Variants in USP43 observed in about 807,000 individuals in gnomAD.
The protein encoded by USP43 is ubiquitin specific peptidase 43, also known as ubiquitin carboxyl-terminal hydrolase 43.
USP43 carries 33 observed loss-of-function variants against 90.7 expected under a neutral mutation model. That is an observed-to-expected ratio of 0.36 (90% CI 0.28 to 0.49). USP43 has a LOEUF of 0.49. USP43 is among the 20% of genes least tolerant of loss of function. The pLI, the probability that USP43 is intolerant of heterozygous loss-of-function variation, is 0.98. For synonymous variants in USP43, 598 were observed against 615.8 expected (o/e 0.97, Z 0.43); for missense variants, 1,274 against 1,476.4 (o/e 0.86, Z 2.25).
intron 1 of USP43, among the ~76,000 whole-genome samples, chr17:9,651,269 G>A (rs928364088): frequency 3.4e-4 from 52 of 151,936 alleles, no homozygotes; most frequent in African/African-American, 1.1e-3. Flanking sequence ...TTGGCTCACT[G>A]CAACCTCTGC....
At chr17:9,667,845 TTA>T (rs1913145897) in intron 3 of USP43, among the ~76,000 whole-genome samples, 1 of 152,112 alleles carries the variant, frequency 6.6e-6, no homozygotes, top group South Asian at 2.1e-4. Flanking sequence ...AATCATGCGT[TTA>T]TATGTGTGTG....
Position 9,686,898 on chromosome 17 carries a change from G to A in USP43, c.1342G>A (p.Ala448Thr), listed in dbSNP as rs773166412. The change falls in exon 8 of 15, where the codon GCC becomes ACC. Residue 448 changes from alanine (A) to threonine (T), a missense_variant. Ala to Thr is a moderately conservative substitution (Grantham distance 58, BLOSUM62 0). This residue lies in a region of USP43 where 253 missense variants were observed against 276.0 expected (regional missense o/e 0.92). Coordinates refer to ENST00000285199, the MANE Select transcript of USP43 (RefSeq NM_153210.5). The surrounding 1 kb of genome is among the most constrained non-coding windows in gnomAD (Gnocchi z 5.5). ...SKVRHLMKSEAPVQNLGSLFS... is the reference protein window; with the variant it reads ...SKVRHLMKSETPVQNLGSLFS... ...GGTCCGCCATCTTATGAAGAGTGAG[G>A]CCCCTGTACAGGTCAGTGGTGTGCA... The A allele has an allele frequency of 6.2e-7, 1 of 1,613,388 alleles. No homozygotes were observed. Among genetic ancestry groups the A allele is most frequent in the South Asian group, 1.1e-5 (1 of 91,068 alleles).
chr17:9,645,721 G>A lies in USP43; in HGVS notation c.89G>A (p.Arg30His). Reference sequence around the variant, plus strand: ...CGCTCCCTGCGCCGCCTGTTCAGCCGCTTCCTGCTGGCGCTGGGCAGCCGC... The same window carrying A: ...CGCTCCCTGCGCCGCCTGTTCAGCCACTTCCTGCTGGCGCTGGGCAGCCGC... ...RRRSLRRLFS[R>H]FLLALGSRSR... is the part of the protein sequence containing the mutation. Residue 30 changes from arginine (R) to histidine (H), a missense_variant, in exon 1 of 15, where the codon CGC (arginine) becomes CAC (histidine). Arg to His is a conservative substitution (Grantham distance 29). Transcript: ENST00000285199. The surrounding 1 kb of genome is among the most constrained non-coding windows in gnomAD (Gnocchi z 6.8). 2.2e-6 allele frequency: 3 copies of A among 1,358,682 alleles called. No individual in the cohort carries two copies. Among genetic ancestry groups the A allele is most frequent in the South Asian group, 1.8e-5 (1 of 55,350 alleles). 84.2% of individuals were successfully genotyped at this position (1,358,682 alleles called of 1,614,324 possible).
chr17:9,681,333 TAA>T (rs1270374157), intron 6 of USP43, among the ~76,000 whole-genome samples: 28 of 110,844 alleles, frequency 2.5e-4, no homozygotes, highest in African/African-American at 9.7e-4. Context: ...TATATATAAA[TAA>T]ATATATATAT....
At chr17:9,649,878 T>C (rs188136938) in intron 1 of USP43, among the ~76,000 whole-genome samples, 3 of 152,234 alleles carry the variant, frequency 2.0e-5, no homozygotes, top group Admixed American at 2.0e-4. Context: ...CAACAATCAT[T>C]AATAATTAAG....
At chr17:9,717,369 G>T (rs1026248144) in intron 14 of USP43, among the ~76,000 whole-genome samples, 3 of 151,666 alleles carry the variant, frequency 2.0e-5, no homozygotes, top group Admixed American at 6.6e-5. Flanking sequence ...CAGTGTGTGT[G>T]TGTGTGTGTG....
chr17:9,658,853 C>T (rs1273314353), intron 2 of USP43, among the ~76,000 whole-genome samples: 1 of 152,224 alleles, frequency 6.6e-6, no homozygotes, highest in African/African-American at 2.4e-5. Flanking sequence ...TCTCTGGCTC[C>T]ATTTTCAGAC....
intron 5 of USP43, 137 bp downstream of exon 5, chr17:9,677,018 G>T: frequency 8.9e-7 from 1 of 1,124,546 alleles, no homozygotes. Flanking sequence ...GATTAGTAAT[G>T]CCTGCTGTCT....
At chr17:9,650,871 C>T (rs1397656769) in intron 1 of USP43, among the ~76,000 whole-genome samples, 3 of 151,732 alleles carry the variant, frequency 2.0e-5, no homozygotes, top group Admixed American at 6.6e-5. Flanking sequence ...TTTGGGGAAC[C>T]GGCAGTATTT....
At chr17:9,675,042 G>A in intron 4 of USP43, 59 bp downstream of exon 4, 1 of 1,482,496 alleles carries the variant, frequency 6.7e-7, no homozygotes, top group Non-Finnish European at 9.4e-7. Context: ...TCATTACGGG[G>A]AAGCTTCTGG....
At chr17:9,712,191 C>T in intron 14 of USP43, 59 bp downstream of exon 14, 1 of 1,489,906 alleles carries the variant, frequency 6.7e-7, no homozygotes, top group Non-Finnish European at 9.0e-7. Context: ...GTTGTTATTG[C>T]TCAGTATGAA....
Position 9,701,573 on chromosome 17 carries a change from A to T in USP43, c.1884A>T (p.Ala628=). The T allele has an allele frequency of 6.4e-7, 1 of 1,569,944 alleles. No individual in the cohort carries two copies. Among genetic ancestry groups the T allele is most frequent in the South Asian group, 1.2e-5 (1 of 85,204 alleles). ...CCCAGAGAAGCACCAGCCCTGAGGC[A>T]GGACTGGGCCCCTGGCCTTCCTGGA... The part of the protein sequence containing the change: ...HVAQRSTSPE[A]GLGPWPSWKQ... The change falls in exon 12 of 15, where the codon GCA becomes GCT. Residue 628 remains alanine, a synonymous_variant. Transcript: ENST00000285199. The surrounding 1 kb of genome is among the most constrained non-coding windows in gnomAD (Gnocchi z 7.2).
intron 9 of USP43, among the ~76,000 whole-genome samples, chr17:9,696,773 C>G (rs1373986421): frequency 6.6e-5 from 10 of 152,240 alleles, no homozygotes; most frequent in Admixed American, 6.5e-4. Flanking sequence ...TGAAGGTGGC[C>G]TACAAGGCCC....
intron 14 of USP43, among the ~76,000 whole-genome samples, chr17:9,720,211 A>G (rs556549068): frequency 1.5e-4 from 23 of 151,450 alleles, no homozygotes; most frequent in Non-Finnish European, 2.7e-4. Context: ...CTGTAGTCCC[A>G]GCTACCTGGG....
intron 5 of USP43, 101 bp downstream of exon 5, chr17:9,676,982 C>T: frequency 2.1e-6 from 3 of 1,435,662 alleles, no homozygotes; most frequent in Non-Finnish European, 2.8e-6. Context: ...CCAGGTGACT[C>T]CAGTATGACT....
intron 8 of USP43, among the ~76,000 whole-genome samples, chr17:9,692,345 TGA>T (rs992627721): frequency 1.3e-5 from 2 of 152,032 alleles, no homozygotes; most frequent in African/African-American, 4.8e-5. Context: ...GGCGACAGAG[TGA>T]GACTTTGTCG....
chr17:9,688,420 G>A (rs1441062489), intron 8 of USP43, among the ~76,000 whole-genome samples: 6 of 149,490 alleles, frequency 4.0e-5, no homozygotes, highest in Admixed American at 1.3e-4. Flanking sequence ...GCGTGATCTC[G>A]GCTTACTGCA....
chr17:9,712,249 G>A (rs1916245454), intron 14 of USP43, 117 bp downstream of exon 14: 1 of 1,271,102 alleles, frequency 7.9e-7, no homozygotes, highest in Non-Finnish European at 1.0e-6. Context: ...ATCATTACGA[G>A]AGGTTTGTTC....
chr17:9,721,474 C>T (rs1446181876), intron 14 of USP43, among the ~76,000 whole-genome samples: 4 of 152,152 alleles, frequency 2.6e-5, no homozygotes, highest in Non-Finnish European at 4.4e-5. Context: ...GTCAGACGTG[C>T]TACCATTGCG....
Sources: gnomAD v4.1 joint callset for allele counts (sites outside exome capture counted in the v4.1 genomes callset) on GRCh38, gnomAD v4.1.1 for gene constraint, gnomAD v4.1.1 regional missense constraint, Gnocchi (gnomAD v3.1) non-coding constraint, MANE v1.5 for transcripts, NCBI Gene and HGNC (gene_info 2026-07-23, HGNC 2026-07-21) for gene names.